The following RBFOX3 variants were observed in gnomAD, a reference collection of about 807,000 sequenced individuals.
The protein encoded by RBFOX3 is RNA binding fox-1 homolog 3.
Under a neutral mutation model 48.7 loss-of-function variants are expected in RBFOX3, and 17 were observed. The observed-to-expected ratio is 0.35, with a 90% CI of 0.24 to 0.52. The LOEUF (loss-of-function observed/expected upper bound fraction) is 0.52, where lower values mean the gene tolerates loss of function less well. Among genes scored for constraint, RBFOX3 ranks in the 20% least tolerant of loss-of-function variants. The pLI is 0.94. For synonymous variants in RBFOX3, 212 were observed against 209.5 expected, an observed-to-expected ratio of 1.01 and a Z score of -0.10; for missense variants, 382 against 497.5, an observed-to-expected ratio of 0.77 and a Z score of 2.21.
intron 2 of RBFOX3, among the ~76,000 whole-genome samples, chr17:79,380,704 G>A (rs1040937229): frequency 3.3e-5 from 5 of 152,192 alleles, no homozygotes; most frequent in Non-Finnish European, 7.3e-5. Flanking sequence ...GGATGCATTT[G>A]GTGAGCAATG....
At chr17:79,525,518 A>G (rs1198495635) in intron 1 of RBFOX3, among the ~76,000 whole-genome samples, 1 of 152,174 alleles carries the variant, frequency 6.6e-6, no homozygotes, top group East Asian at 1.9e-4. Context: ...CAGCTGCCAA[A>G]ATCAGCTGGA....
intron 2 of RBFOX3, among the ~76,000 whole-genome samples, chr17:79,312,336 G>A (rs1472592430): frequency 2.0e-5 from 3 of 151,608 alleles, no homozygotes; most frequent in Non-Finnish European, 2.9e-5. Flanking sequence ...ACAGAGAGCC[G>A]GTGGCAGCAA....
chr17:79,175,515 C>T (rs536901291), intron 4 of RBFOX3, among the ~76,000 whole-genome samples: 16 of 152,356 alleles, frequency 1.1e-4, no homozygotes, highest in South Asian at 4.1e-4. Context: ...TCCTTTCCCG[C>T]GGGCGTGCTG....
At chr17:79,475,879 G>A (rs1189627115) in intron 2 of RBFOX3, among the ~76,000 whole-genome samples, 4 of 152,338 alleles carry the variant, frequency 2.6e-5, no homozygotes, top group Admixed American at 2.6e-4. Flanking sequence ...TCCCTGAGAA[G>A]CAACCCCGCT....
At chr17:79,626,686 G>T in the RBFOX3 span, among the ~76,000 whole-genome samples, 1 of 152,202 alleles carries the variant, frequency 6.6e-6, no homozygotes, top group African/African-American at 2.4e-5. Context: ...CAGCTCCCGG[G>T]TCACACACTG....
Position 79,390,058 on chromosome 17 carries a change from GCCGGGTCTCCGCAGCCT to G in RBFOX3, c.-174-82251_-174-82235del, listed in dbSNP as rs869163167. Among the ~76,000 whole-genome samples the G allele has an allele frequency of 3.6e-3, 454 of 126,430 alleles. 2 individuals are homozygous for G. The highest frequency in any genetic ancestry group is 0.012 in the African/African-American group (418 of 35,946). The allele number at this position is 126,430 out of a possible 152,430, so 82.9% of individuals were successfully genotyped here. On this transcript the variant is annotated intron_variant, in intron 2 of 14. Transcript: ENST00000693108. The surrounding 1 kb of genome is among the most constrained non-coding windows in gnomAD (Gnocchi z 4.2). ...CCGTAGCCTCCAGGTCTCCGCAGCC[GCCGGGTCTCCGCAGCCT>G]CCGGGTCTCCGCAGCCTCCGGGTCT...
chr17:79,294,137 G>C (rs1230037512), intron 3 of RBFOX3, among the ~76,000 whole-genome samples: 2 of 152,174 alleles, frequency 1.3e-5, no homozygotes, highest in Non-Finnish European at 2.9e-5. Flanking sequence ...AAAGCAAAGT[G>C]AACCAGTTTT....
At chr17:79,316,344 T>C (rs2077540067) in intron 2 of RBFOX3, among the ~76,000 whole-genome samples, 2 of 152,116 alleles carry the variant, frequency 1.3e-5, no homozygotes, top group African/African-American at 2.4e-5. Flanking sequence ...CAGGCCAGCA[T>C]GTAGATGGGG....
At chr17:79,419,603 T>A (rs573443555) in intron 2 of RBFOX3, among the ~76,000 whole-genome samples, 1 of 152,288 alleles carries the variant, frequency 6.6e-6, no homozygotes, top group African/African-American at 2.4e-5. Flanking sequence ...GAGAAGCCCC[T>A]TCATCTCCAG....
At chr17:79,403,720 C>A (rs2063125956) in intron 2 of RBFOX3, among the ~76,000 whole-genome samples, 1 of 151,972 alleles carries the variant, frequency 6.6e-6, no homozygotes, top group Non-Finnish European at 1.5e-5. Flanking sequence ...TGTGTCAGGG[C>A]AAACCTGCCC....
intron 2 of RBFOX3, among the ~76,000 whole-genome samples, chr17:79,320,557 C>T (rs550231221): frequency 2.6e-5 from 4 of 152,348 alleles, no homozygotes; most frequent in South Asian, 4.1e-4. Context: ...TTGGCAAACC[C>T]TGCCCATATC....
intron 4 of RBFOX3, among the ~76,000 whole-genome samples, chr17:79,122,031 C>A (rs1199602122): frequency 6.6e-6 from 1 of 152,126 alleles, no homozygotes; most frequent in Non-Finnish European, 1.5e-5. Context: ...TCTCTGAGGT[C>A]TTCCCCATCT....
intron 2 of RBFOX3, among the ~76,000 whole-genome samples, chr17:79,359,764 G>A (rs1165207370): frequency 2.0e-5 from 3 of 151,134 alleles, no homozygotes; most frequent in Non-Finnish European, 4.4e-5. Flanking sequence ...GTCTCACTCT[G>A]TTGCTCAGGG....
intron 2 of RBFOX3, among the ~76,000 whole-genome samples, chr17:79,457,437 G>A (rs574127492): frequency 1.3e-5 from 2 of 152,306 alleles, no homozygotes; most frequent in South Asian, 4.2e-4. Flanking sequence ...TCGACTTCCA[G>A]AGATCTGTGA....
At chr17:79,491,449 A>ATTTC (rs2080636604) in intron 1 of RBFOX3, among the ~76,000 whole-genome samples, 2 of 151,938 alleles carry the variant, frequency 1.3e-5, no homozygotes, top group African/African-American at 4.8e-5. Context: ...GTAGAGGGGA[A>ATTTC]AAACCAAGGC....
At chr17:79,560,594 G>A (rs2092146409) in intron 1 of RBFOX3, among the ~76,000 whole-genome samples, 1 of 152,150 alleles carries the variant, frequency 6.6e-6, no homozygotes, top group Admixed American at 6.5e-5. Context: ...CAGGGATCAT[G>A]GGGTTCAGTG....
chr17:79,254,015 G>A lies in RBFOX3; in HGVS notation c.-73-18210C>T, dbSNP rs1480839820. On this transcript the variant is annotated intron_variant, in intron 3 of 14. Coordinates refer to ENST00000693108, the MANE Select transcript of RBFOX3 (RefSeq NM_001350451.2). The surrounding 1 kb of genome is among the most constrained non-coding windows in gnomAD (Gnocchi z 4.8). ...TTCTCTTCCCCCACGCAGCCTCTGA[G>A]GGCGGGTATGGGAGGGAGCCTTCTC... Among the ~76,000 whole-genome samples, 1 of 152,188 alleles carries A rather than the reference G, an allele frequency of 6.6e-6. No homozygotes were observed. The highest frequency in any genetic ancestry group is 2.4e-5 in the African/African-American group (1 of 41,440).
chr17:79,306,700 G>A (rs1001296489), intron 3 of RBFOX3, among the ~76,000 whole-genome samples: 1 of 152,208 alleles, frequency 6.6e-6, no homozygotes, highest in African/African-American at 2.4e-5. Flanking sequence ...AGGGTGCCCT[G>A]CCTACCTCCC....
chr17:79,249,185 T>C lies in RBFOX3; in HGVS notation c.-73-13380A>G, dbSNP rs2063586006. On this transcript the variant is annotated intron_variant, in intron 3 of 14. Transcript: ENST00000693108. The surrounding 1 kb of genome is among the most constrained non-coding windows in gnomAD (Gnocchi z 4.1). ...ACCACCCTGAAGCTAGGGACTCGGC[T>C]CAGGAACTGCTGCTTGCTGGGGCGT... Among the ~76,000 whole-genome samples, 1 of 152,150 alleles carries C rather than the reference T, an allele frequency of 6.6e-6. No individual in the cohort carries two copies. The highest frequency in any genetic ancestry group is 2.4e-5 in the African/African-American group (1 of 41,438).
Sources: allele counts gnomAD v4.1 joint callset (sites outside exome capture counted in the v4.1 genomes callset), GRCh38; gene constraint gnomAD v4.1.1; non-coding constraint Gnocchi (gnomAD v3.1); transcripts MANE v1.5; gene names NCBI Gene and HGNC (gene_info 2026-07-23, HGNC 2026-07-21).